KCNH7: variants seen among roughly 807,000 people sequenced by gnomAD.
KCNH7 encodes potassium voltage-gated channel subfamily H member 7, also known as voltage-gated inwardly rectifying potassium channel KCNH7.
Under a neutral mutation model 120.8 loss-of-function variants are expected in KCNH7, and 49 were observed. The ratio of observed to expected loss-of-function variants is 0.41; its 90% CI spans 0.32 to 0.51. The LOEUF is 0.51. KCNH7 is among the 20% of genes least tolerant of loss of function. KCNH7 has a pLI of 0.38. For synonymous variants in KCNH7, 547 were observed against 516.1 expected (o/e 1.06, Z -0.81); for missense variants, 1,097 against 1,446.6 (o/e 0.76, Z 3.92).
At chr2:162,570,045 T>G (rs1378500084) in intron 2 of KCNH7, among the ~76,000 whole-genome samples, 1 of 140,732 alleles carries the variant, frequency 7.1e-6, no homozygotes, top group African/African-American at 2.7e-5. Context: ...GTCTATTAGG[T>G]CTGCTTGGTG....
At chr2:162,564,025 C>A (rs1843553) in intron 2 of KCNH7, among the ~76,000 whole-genome samples, 1 of 151,498 alleles carries the variant, frequency 6.6e-6, no homozygotes, top group African/African-American at 2.4e-5. Flanking sequence ...ACTGGTACAA[C>A]TCAAAATTAT....
intron 3 of KCNH7, among the ~76,000 whole-genome samples, chr2:162,526,253 G>C (rs769607406): frequency 2.4e-4 from 36 of 152,012 alleles, no homozygotes; most frequent in Middle Eastern, 6.8e-3. Context: ...AAGGCAAATG[G>C]AGGCAGGGCA....
At chr2:162,793,676 A>T (rs749354079) in intron 2 of KCNH7, among the ~76,000 whole-genome samples, 1 of 152,018 alleles carries the variant, frequency 6.6e-6, no homozygotes, top group Non-Finnish European at 1.5e-5. Context: ...TCTAAAAAAA[A>T]ATCAAGTTCA....
At chr2:162,787,688 A>T (rs1158282580) in intron 2 of KCNH7, among the ~76,000 whole-genome samples, 2 of 152,072 alleles carry the variant, frequency 1.3e-5, no homozygotes, top group Non-Finnish European at 2.9e-5. Flanking sequence ...CCCGGCCCCC[A>T]CTGACTCAGA....
intron 9 of KCNH7, 72 bp from the exon 10 acceptor site, chr2:162,400,513 T>C: frequency 6.6e-7 from 1 of 1,508,870 alleles, no homozygotes; most frequent in Non-Finnish European, 9.1e-7. Flanking sequence ...AGTCAATTTC[T>C]TGCTCACAGA....
rs759131670 is a variant in KCNH7, at chr2:162,800,304, A to G, written c.307+36233T>C. ...ATTTAAATAGAGACGGGAAATATTT[A>G]TGTTAAAAAAGAAAGCTTTTCTTTT... On this transcript the variant is annotated intron_variant, in intron 2 of 15. Transcript: ENST00000332142. Among the ~76,000 whole-genome samples the G allele has an allele frequency of 7.2e-4, 110 of 152,014 alleles. 1 individual carries two copies. The highest frequency in any genetic ancestry group is 4.6e-4 in the Non-Finnish European group (31 of 67,854).
chr2:162,553,604 G>A (rs1488425683), intron 2 of KCNH7, among the ~76,000 whole-genome samples: 2 of 152,038 alleles, frequency 1.3e-5, no homozygotes, highest in African/African-American at 4.8e-5. Context: ...AGCCAAGATT[G>A]CGCCACTGCG....
intron 2 of KCNH7, among the ~76,000 whole-genome samples, chr2:162,639,152 T>C (rs1196982871): frequency 6.6e-6 from 1 of 152,132 alleles, no homozygotes; most frequent in Non-Finnish European, 1.5e-5. Flanking sequence ...TTCATCCCAG[T>C]TGAGAACAAC....
At chr2:162,671,344 C>CTA (rs1267300882) in intron 2 of KCNH7, among the ~76,000 whole-genome samples, 3 of 150,886 alleles carry the variant, frequency 2.0e-5, no homozygotes, top group Non-Finnish European at 4.4e-5. Context: ...AAAATGTGGA[C>CTA]TATATATACC....
At chr2:162,821,495 T>C (rs1685119394) in intron 2 of KCNH7, among the ~76,000 whole-genome samples, 1 of 152,182 alleles carries the variant, frequency 6.6e-6, no homozygotes, top group Admixed American at 6.5e-5. Context: ...ATTTTTAAAC[T>C]CACTGGTTTG....
At chr2:162,463,204 T>C (rs1689200720) in intron 6 of KCNH7, among the ~76,000 whole-genome samples, 1 of 151,928 alleles carries the variant, frequency 6.6e-6, no homozygotes, top group Admixed American at 6.6e-5. Context: ...CATTAGGGAC[T>C]CAGAAGTGCA....
intron 8 of KCNH7, among the ~76,000 whole-genome samples, chr2:162,432,380 T>C (rs1476474001): frequency 6.6e-6 from 1 of 152,018 alleles, no homozygotes; most frequent in Admixed American, 6.6e-5. Context: ...GTTATTTGTT[T>C]ATACAAATGC....
At chr2:162,375,799 C>T (rs1270100850) in intron 14 of KCNH7, among the ~76,000 whole-genome samples, 2 of 151,066 alleles carry the variant, frequency 1.3e-5, no homozygotes, top group African/African-American at 2.4e-5. Context: ...GTGGTCCCGG[C>T]TACTCAGGAG....
At chr2:162,444,233 T>C (rs193019058) in intron 7 of KCNH7, among the ~76,000 whole-genome samples, 32 of 152,318 alleles carry the variant, frequency 2.1e-4, no homozygotes, top group African/African-American at 7.2e-4. Flanking sequence ...TGTAAGTTCC[T>C]GGACAACACA....
chr2:162,748,466 T>TG (rs1688391802), intron 2 of KCNH7, among the ~76,000 whole-genome samples: 1 of 152,184 alleles, frequency 6.6e-6, no homozygotes, highest in Non-Finnish European at 1.5e-5. Flanking sequence ...ACAATTTTTT[T>TG]TTGTGTGTGT....
At chr2:162,761,413 C>G (rs1688962264) in intron 2 of KCNH7, among the ~76,000 whole-genome samples, 1 of 152,098 alleles carries the variant, frequency 6.6e-6, no homozygotes. Flanking sequence ...GAGGCTTTCT[C>G]AAGTTGTTCA....
chr2:162,632,408 A>G (rs1397345288), intron 2 of KCNH7, among the ~76,000 whole-genome samples: 1 of 151,960 alleles, frequency 6.6e-6, no homozygotes, highest in African/African-American at 2.4e-5. Flanking sequence ...TTAGGATTTA[A>G]AAATCTCAGT....
intron 2 of KCNH7, among the ~76,000 whole-genome samples, chr2:162,601,558 C>T (rs1238812307): frequency 1.3e-5 from 2 of 151,716 alleles, no homozygotes; most frequent in Non-Finnish European, 2.9e-5. Flanking sequence ...AAATTAATCT[C>T]TTTAACATTT....
intron 2 of KCNH7, among the ~76,000 whole-genome samples, chr2:162,575,868 A>C (rs953802882): frequency 6.6e-6 from 1 of 152,108 alleles, no homozygotes; most frequent in Admixed American, 6.6e-5. Context: ...TTGCAATTTA[A>C]TTTCGCAGTT....
Sources: allele counts gnomAD v4.1 joint callset (sites outside exome capture counted in the v4.1 genomes callset), GRCh38; gene constraint gnomAD v4.1.1; transcripts MANE v1.5; gene names NCBI Gene and HGNC (gene_info 2026-07-23, HGNC 2026-07-21).